The following DNAH11 variants were observed in gnomAD, a reference collection of about 807,000 sequenced individuals.
The protein encoded by DNAH11 is dynein axonemal heavy chain 11.
A neutral mutation model predicts 526.0 loss-of-function variants in DNAH11; 442 were observed. The ratio of observed to expected loss-of-function variants is 0.84; its 90% CI spans 0.78 to 0.91. The LOEUF (loss-of-function observed/expected upper bound fraction) is 0.91. Ranked by LOEUF, DNAH11 falls within the 40% of genes least tolerant of loss-of-function variation. The pLI is 0.00. For synonymous variants in DNAH11, 2,461 were observed against 1,935.9 expected (o/e 1.27, Z -7.12); for missense variants, 6,989 against 5,448.7 (o/e 1.28, Z -8.90).
In DNAH11 at chr7:21,868,438, C is replaced by T. The variant is rs188332547; in HGVS notation, c.11840-426C>T. ...AATATAGCTGTGACCTGACTGTGCTCAATTTAAATGCAGTCTCACAAGGTG... is the reference window on the plus strand; with the variant it reads ...AATATAGCTGTGACCTGACTGTGCTTAATTTAAATGCAGTCTCACAAGGTG... On this transcript the variant is annotated intron_variant, in intron 72 of 81. Transcript: ENST00000409508. 3.4e-3 allele frequency among the ~76,000 whole-genome samples: 514 copies of T among 152,150 alleles called. 8 individuals are homozygous for T. Among genetic ancestry groups the T allele is most frequent in the African/African-American group, 0.011 (437 of 41,492 alleles).
chr7:21,667,096 C>G (rs571949243), intron 30 of DNAH11, among the ~76,000 whole-genome samples: 8 of 152,084 alleles, frequency 5.3e-5, no homozygotes, highest in Middle Eastern at 3.4e-3. Context: ...TCACCTTAAG[C>G]AAATATAAAA....
chr7:21,854,591 C>A, intron 68 of DNAH11, 136 bp downstream of exon 68: 1 of 1,031,394 alleles, frequency 9.7e-7, no homozygotes, highest in Non-Finnish European at 1.3e-6. Context: ...ACTCTGTAGC[C>A]CAGGCTGGAG....
intron 30 of DNAH11, among the ~76,000 whole-genome samples, chr7:21,675,352 C>A (rs1006158030): frequency 6.6e-6 from 1 of 152,214 alleles, no homozygotes; most frequent in Non-Finnish European, 1.5e-5. Context: ...CAGGCTGCTT[C>A]CTGTGGCATA....
intron 5 of DNAH11, 146 bp from the exon 6 acceptor site, chr7:21,564,040 T>TTCG: frequency 1.9e-6 from 1 of 532,636 alleles, no homozygotes. Flanking sequence ...GTGTGTAGAT[T>TTCG]GTAGGATAAG....
intron 61 of DNAH11, among the ~76,000 whole-genome samples, chr7:21,800,041 G>A (rs558360594): frequency 0.021 from 3,232 of 152,198 alleles, 119 homozygotes; most frequent in African/African-American, 0.073. Context: ...GTCAAAAAAG[G>A]CACAAAGACA....
chr7:21,764,912 T>G (rs973594499), intron 54 of DNAH11, among the ~76,000 whole-genome samples: 2 of 152,224 alleles, frequency 1.3e-5, no homozygotes, highest in African/African-American at 4.8e-5. Flanking sequence ...AATTTTTAAT[T>G]CCTTTAAAAA....
At chr7:21,804,544 C>G (rs1789164776) in intron 62 of DNAH11, among the ~76,000 whole-genome samples, 1 of 152,172 alleles carries the variant, frequency 6.6e-6, no homozygotes, top group East Asian at 1.9e-4. Context: ...CCCCTCTCTC[C>G]ATTCCATCTC....
intron 20 of DNAH11, among the ~76,000 whole-genome samples, chr7:21,612,357 C>T (rs1222188213): frequency 6.6e-6 from 1 of 151,850 alleles, no homozygotes; most frequent in Non-Finnish European, 1.5e-5. Context: ...AGATCGAGAC[C>T]ATCCTGGCTA....
chr7:21,566,933 G>C (rs78114258), intron 6 of DNAH11, among the ~76,000 whole-genome samples: 6,783 of 152,096 alleles, frequency 0.045, 358 homozygotes, highest in East Asian at 0.29. Flanking sequence ...TGTTATTGCT[G>C]TATATGTAAG....
At chr7:21,789,904 C>T (rs1788400418) in intron 61 of DNAH11, among the ~76,000 whole-genome samples, 1 of 141,612 alleles carries the variant, frequency 7.1e-6, no homozygotes, top group Non-Finnish European at 1.5e-5. Context: ...TTTCCCCTCC[C>T]TCCCTCCCTC....
intron 62 of DNAH11, among the ~76,000 whole-genome samples, chr7:21,802,680 A>T (rs1047324155): frequency 1.3e-5 from 2 of 152,128 alleles, no homozygotes. Context: ...TCTTGAAAAT[A>T]TCATGCTAAA....
chr7:21,690,598 A>G (rs1008300105), intron 34 of DNAH11, among the ~76,000 whole-genome samples, 167 bp from the exon 35 acceptor site: 2 of 152,222 alleles, frequency 1.3e-5, no homozygotes, highest in Admixed American at 1.3e-4. Context: ...TTTAATAAAT[A>G]TGCTTCAAAA....
Position 21,545,016 on chromosome 7 carries a change from A to G in DNAH11, c.362A>G (p.Asp121Gly). Residue 121 changes from aspartate to glycine, a missense_variant, in exon 2 of 82, where the codon GAT (aspartate) becomes GGT (glycine). Transcript: ENST00000409508. ...RLAASQEIPRDANHKLVFISK... is the reference protein window; with the variant it reads ...RLAASQEIPRGANHKLVFISK... ...TTGCTCTTGTTTTAGATTCCAAGAGATGCAAACCATAAACTTGTTTTTATT... is the reference window on the plus strand; with the variant it reads ...TTGCTCTTGTTTTAGATTCCAAGAGGTGCAAACCATAAACTTGTTTTTATT... The G allele has an allele frequency of 1.3e-6, 2 of 1,585,564 alleles. No individual in the cohort carries two copies. The highest frequency in any genetic ancestry group is 1.7e-6 in the Non-Finnish European group (2 of 1,165,752).
chr7:21,719,725 T>C (rs1784803414), intron 43 of DNAH11, among the ~76,000 whole-genome samples: 1 of 152,184 alleles, frequency 6.6e-6, no homozygotes, highest in African/African-American at 2.4e-5. Flanking sequence ...AAATGAAAAG[T>C]ATTTCCCCAT....
rs773664067 is a variant in DNAH11 at position 21,725,847 on chromosome 7, CAGAA to C, written c.7307_7310del (p.Lys2436ArgfsTer2). On this transcript the variant is annotated frameshift_variant, in exon 45 of 82. Transcript: ENST00000409508. LOFTEE classifies it high-confidence loss of function. ...TCAAGCTGACTTCAGTCGGTGGTGGCAGAAAGAGATGAAAGCAGTGAAATTTCCG... is the reference window on the plus strand; with the variant it reads ...TCAAGCTGACTTCAGTCGGTGGTGGCAGAGATGAAAGCAGTGAAATTTCCG... 5.6e-6 allele frequency: 9 copies of C among 1,611,634 alleles called. No individual in the cohort carries two copies. Among genetic ancestry groups the C allele is most frequent in the Non-Finnish European group, 1.7e-6 (2 of 1,178,992 alleles).
chr7:21,847,254 T>C (rs1228560095), intron 66 of DNAH11, among the ~76,000 whole-genome samples: 1 of 152,224 alleles, frequency 6.6e-6, no homozygotes, highest in African/African-American at 2.4e-5. Context: ...TTATCTAATT[T>C]TCTAAGGTAA....
intron 35 of DNAH11, among the ~76,000 whole-genome samples, chr7:21,696,783 C>T (rs1175142309): frequency 6.6e-6 from 1 of 152,102 alleles, no homozygotes; most frequent in East Asian, 1.9e-4. Context: ...GTCTGCCTCT[C>T]TGTAAAATGA....
intron 51 of DNAH11, among the ~76,000 whole-genome samples, chr7:21,745,447 G>A (rs1264081121): frequency 6.6e-6 from 1 of 152,174 alleles, no homozygotes; most frequent in East Asian, 1.9e-4. Context: ...CTTTAAAATG[G>A]GGGAGGGCTC....
chr7:21,591,288 A>C lies in DNAH11; in HGVS notation c.2378A>C (p.Asp793Ala). 1 of 1,613,460 alleles carries C rather than the reference A, an allele frequency of 6.2e-7. No homozygotes were observed. Among genetic ancestry groups the C allele is most frequent in the Non-Finnish European group, 8.5e-7 (1 of 1,179,540 alleles). The change falls in exon 14 of 82, where the codon GAC (aspartate) becomes GCC (alanine). Residue 793 changes from aspartate to alanine, a missense_variant. By Grantham distance (126) the Asp-to-Ala change is moderately radical (BLOSUM62 -2). Coordinates refer to ENST00000409508, the MANE Select transcript of DNAH11 (RefSeq NM_001277115.2). ...ATTGAAGATGAGCTGAGGGCTATTG[A>C]CGAGCAGCTGACAGCAGCCACAACG... Reference protein sequence around the residue: ...PLIEDELRAIDEQLTAATTWL... With the variant: ...PLIEDELRAIAEQLTAATTWL...
Sources: allele counts gnomAD v4.1 joint callset (sites outside exome capture counted in the v4.1 genomes callset), GRCh38; gene constraint gnomAD v4.1.1; transcripts MANE v1.5; gene names NCBI Gene and HGNC (gene_info 2026-07-23, HGNC 2026-07-21).